DENND2A: variants seen among roughly 807,000 people sequenced by gnomAD.
DENND2A encodes the protein DENN domain-containing protein 2A.
Under a neutral mutation model 105.3 loss-of-function variants are expected in DENND2A, and 53 were observed. The ratio of observed to expected loss-of-function variants is 0.50; its 90% CI spans 0.40 to 0.63. The LOEUF is 0.63. Ranked by LOEUF, DENND2A falls within the 30% of genes least tolerant of loss-of-function variation. The pLI is 0.00. For missense variants in DENND2A, 1,138 were observed against 1,279.6 expected (o/e 0.89, Z 1.69); for synonymous variants, 522 against 508.4 (o/e 1.03, Z -0.36).
At chr7:140,530,021 T>G (rs1796203954) in intron 14 of DENND2A, among the ~76,000 whole-genome samples, 1 of 150,016 alleles carries the variant, frequency 6.7e-6, no homozygotes, top group Admixed American at 6.7e-5. Context: ...CCCAAGAGAT[T>G]GAGACCAACC....
chr7:140,522,759 C>T (rs760297083), intron 17 of DENND2A, among the ~76,000 whole-genome samples: 4 of 151,784 alleles, frequency 2.6e-5, no homozygotes, highest in Non-Finnish European at 4.4e-5. Context: ...AGGCGCTTGC[C>T]ACTATGGCCA....
chr7:140,558,054 C>G, intron 11 of DENND2A, 89 bp downstream of exon 11: 1 of 1,038,500 alleles, frequency 9.6e-7, no homozygotes, highest in Non-Finnish European at 1.5e-6. Context: ...GAATCTCAGT[C>G]TCACGGGACT....
chr7:140,569,223 C>A (rs1012271339), intron 7 of DENND2A, among the ~76,000 whole-genome samples: 3 of 152,124 alleles, frequency 2.0e-5, no homozygotes, highest in African/African-American at 7.2e-5. Flanking sequence ...CACCGCGCCC[C>A]GCCTCTTGTT....
chr7:140,518,653 T>G lies in DENND2A; in HGVS notation c.*54A>C. On this transcript the variant is annotated 3_prime_UTR_variant, in exon 20 of 20. Transcript: ENST00000496613. Reference sequence around the variant, plus strand: ...GCCTTTCAGAAAGGCCACCAGGAACTGTTTTTAAAGCATAGGGCTGCACTA... The same window carrying G: ...GCCTTTCAGAAAGGCCACCAGGAACGGTTTTTAAAGCATAGGGCTGCACTA... 3 of 1,582,912 alleles carry G rather than the reference T, an allele frequency of 1.9e-6. No individual in the cohort carries two copies. The highest frequency in any genetic ancestry group is 2.6e-6 in the Non-Finnish European group (3 of 1,153,444).
chr7:140,550,654 G>A (rs1797094924), intron 12 of DENND2A, among the ~76,000 whole-genome samples: 1 of 151,920 alleles, frequency 6.6e-6, no homozygotes, highest in Non-Finnish European at 1.5e-5. Flanking sequence ...TAGAGATCGG[G>A]TTTCACCATG....
At chr7:140,635,028 C>T (rs1189478445) in intron 1 of DENND2A, among the ~76,000 whole-genome samples, 1 of 151,920 alleles carries the variant, frequency 6.6e-6, no homozygotes, top group African/African-American at 2.4e-5. Context: ...TTTGCAAGGC[C>T]GAGGCAGGTG....
intron 11 of DENND2A, among the ~76,000 whole-genome samples, chr7:140,556,634 G>A (rs573421905): frequency 1.4e-4 from 21 of 152,240 alleles, no homozygotes; most frequent in East Asian, 5.8e-4. Context: ...GCCTGTGCCC[G>A]ACCTCAGTCT....
rs139408449 is a variant in DENND2A at position 140,638,095 on chromosome 7, C to T, written c.-248+2409G>A. On this transcript the variant is annotated intron_variant, in intron 1 of 19. Coordinates refer to ENST00000496613, the MANE Select transcript of DENND2A (RefSeq NM_015689.5). ...GAAGATTTTTTTTTTCTATGTCACT[C>T]TTCAGTCTTTACATAAAGTTCCACA... Among the ~76,000 whole-genome samples the T allele has an allele frequency of 2.6e-3, 391 of 152,162 alleles. 3 individuals are homozygous for T. The highest frequency in any genetic ancestry group is 8.8e-3 in the African/African-American group (366 of 41,494).
chr7:140,572,276 G>A (rs1389414347), intron 6 of DENND2A, among the ~76,000 whole-genome samples: 1 of 151,854 alleles, frequency 6.6e-6, no homozygotes, highest in Non-Finnish European at 1.5e-5. Flanking sequence ...CAAAGTGCTG[G>A]GATTACAGGT....
At chr7:140,618,205 G>A (rs1300587969) in intron 1 of DENND2A, among the ~76,000 whole-genome samples, 1 of 152,182 alleles carries the variant, frequency 6.6e-6, no homozygotes, top group African/African-American at 2.4e-5. Context: ...AGTTATAAAA[G>A]TTATGAAATA....
chr7:140,548,234 C>T (rs1796983356), intron 12 of DENND2A, among the ~76,000 whole-genome samples: 1 of 149,022 alleles, frequency 6.7e-6, no homozygotes, highest in Non-Finnish European at 1.5e-5. Flanking sequence ...AAATTGTGTA[C>T]TTTAAATGAA....
At chr7:140,535,390 AG>A (rs1796419846) in intron 14 of DENND2A, among the ~76,000 whole-genome samples, 1 of 152,064 alleles carries the variant, frequency 6.6e-6, no homozygotes, top group Non-Finnish European at 1.5e-5. Context: ...GCAAACCCTG[AG>A]GCCGTGTGCC....
At chr7:140,627,849 T>A (rs1445848303) in intron 1 of DENND2A, among the ~76,000 whole-genome samples, 1 of 151,760 alleles carries the variant, frequency 6.6e-6, no homozygotes, top group Non-Finnish European at 1.5e-5. Flanking sequence ...TTTTTTTTTT[T>A]AAGACAGAGT....
intron 7 of DENND2A, among the ~76,000 whole-genome samples, chr7:140,569,284 G>C (rs1405330463): frequency 6.6e-6 from 1 of 152,152 alleles, no homozygotes; most frequent in East Asian, 1.9e-4. Flanking sequence ...TCGATGTACT[G>C]CCAAATTAAT....
At chr7:140,529,077 C>T (rs929414720) in intron 14 of DENND2A, among the ~76,000 whole-genome samples, 3 of 152,166 alleles carry the variant, frequency 2.0e-5, no homozygotes, top group Admixed American at 2.0e-4. Flanking sequence ...TGCACTCCAG[C>T]CTGGGTGACA....
At chr7:140,605,387 G>C (rs548313729) in intron 2 of DENND2A, among the ~76,000 whole-genome samples, 1 of 152,286 alleles carries the variant, frequency 6.6e-6, no homozygotes, top group Admixed American at 6.5e-5. Flanking sequence ...AAGACTTAGG[G>C]CTCAAACATA....
At chr7:140,530,048 GC>G (rs992360925) in intron 14 of DENND2A, among the ~76,000 whole-genome samples, 2 of 147,696 alleles carry the variant, frequency 1.4e-5, no homozygotes, top group Admixed American at 6.7e-5. Flanking sequence ...ACATGGTGGG[GC>G]CCTGTTTCTC....
At position 140,605,457 on chromosome 7, in the gene DENND2A, T is replaced by G. The variant is rs917350144; in HGVS notation, c.-146+248A>C. 2.0e-5 allele frequency among the ~76,000 whole-genome samples: 3 copies of G among 152,174 alleles called. No individual in the cohort carries two copies. In the East Asian group the frequency reaches 5.8e-4, roughly 29 times the overall value. ...ATAAACCCAGAATTGGAATGCGTCA[T>G]GGGGATAGGGCTAAAGTTACCAAGG... On this transcript the variant is annotated intron_variant, in intron 2 of 19. Transcript: ENST00000496613.
intron 9 of DENND2A, among the ~76,000 whole-genome samples, chr7:140,562,525 G>A (rs1286890042): frequency 6.6e-6 from 1 of 152,082 alleles, no homozygotes; most frequent in Non-Finnish European, 1.5e-5. Context: ...AGCTGGGTGT[G>A]GTGGCGGGTG....
Sources: gnomAD v4.1 joint callset for allele counts (sites outside exome capture counted in the v4.1 genomes callset) on GRCh38, gnomAD v4.1.1 for gene constraint, MANE v1.5 for transcripts, NCBI Gene and HGNC (gene_info 2026-07-23, HGNC 2026-07-21) for gene names.